Variants in SLC10A7 observed in about 807,000 individuals in gnomAD.
The protein encoded by SLC10A7 is solute carrier family 10 member 7.
A neutral mutation model predicts 43.2 loss-of-function variants in SLC10A7; 29 were observed. The observed-to-expected ratio is 0.67, with a 90% CI of 0.50 to 0.92. The LOEUF (loss-of-function observed/expected upper bound fraction) is 0.92. Among genes scored for constraint, SLC10A7 ranks in the 40% least tolerant of loss-of-function variants. The probability of loss-of-function intolerance (pLI) is 0.00; values close to 1 mark genes in which losing one functional copy is unlikely to be tolerated. For missense variants in SLC10A7, 295 were observed against 403.2 expected (o/e 0.73, Z 2.30); for synonymous variants, 152 against 144.8 (o/e 1.05, Z -0.35).
At chr4:146,451,139 A>G (rs935935790) in intron 4 of SLC10A7, among the ~76,000 whole-genome samples, 2 of 151,214 alleles carry the variant, frequency 1.3e-5, no homozygotes, top group African/African-American at 4.8e-5. Context: ...TTTAAGCAAG[A>G]CAGAAAAAGT....
At chr4:146,402,224 T>C (rs1739272680) in intron 5 of SLC10A7, among the ~76,000 whole-genome samples, 1 of 152,148 alleles carries the variant, frequency 6.6e-6, no homozygotes, top group Non-Finnish European at 1.5e-5. Context: ...CTATTTTATA[T>C]CTATCTATCT....
chr4:146,504,680 C>T (rs971117898), intron 3 of SLC10A7, among the ~76,000 whole-genome samples: 4 of 152,156 alleles, frequency 2.6e-5, no homozygotes, highest in Non-Finnish European at 5.9e-5. Flanking sequence ...TTCAAAAATA[C>T]TTGACAAGAC....
intron 5 of SLC10A7, among the ~76,000 whole-genome samples, chr4:146,404,568 G>T (rs1294072314): frequency 1.3e-5 from 2 of 148,258 alleles, no homozygotes; most frequent in Non-Finnish European, 3.0e-5. Flanking sequence ...GTTTCTATTT[G>T]ATCTGTAAAA....
intron 10 of SLC10A7, among the ~76,000 whole-genome samples, chr4:146,270,968 T>C (rs1241734661): frequency 6.6e-6 from 1 of 152,336 alleles, no homozygotes; most frequent in South Asian, 2.1e-4. Context: ...CCTTGTGGGA[T>C]AGGAGAAGAA....
intron 5 of SLC10A7, among the ~76,000 whole-genome samples, chr4:146,384,015 A>G (rs1344203749): frequency 6.6e-6 from 1 of 152,134 alleles, no homozygotes; most frequent in Non-Finnish European, 1.5e-5. Flanking sequence ...TCTGGGTCTC[A>G]GTTTCCTCAG....
intron 5 of SLC10A7, among the ~76,000 whole-genome samples, chr4:146,347,090 T>A (rs1209139877): frequency 6.6e-6 from 1 of 152,032 alleles, no homozygotes; most frequent in African/African-American, 2.4e-5. Flanking sequence ...AAGACCCAAA[T>A]GATCAGTAAG....
At position 146,350,766 on chromosome 4, in the gene SLC10A7, G is replaced by A. The variant is rs1442912999; in HGVS notation, c.436-24770C>T. ...CTAACTGGGAGGCACCCCCCAGCAG[G>A]GGCACACTGACACCTCACACGGCAG... On this transcript the variant is annotated intron_variant, in intron 5 of 11. Transcript: ENST00000335472. 1.6e-4 allele frequency among the ~76,000 whole-genome samples: 15 copies of A among 94,254 alleles called. No homozygotes were observed. In the South Asian group the frequency reaches 2.2e-3, roughly 14 times the overall value. The allele number at this position is 94,254 out of a possible 152,430, so 61.8% of individuals were successfully genotyped here.
At chr4:146,390,677 A>G (rs1259994654) in intron 5 of SLC10A7, among the ~76,000 whole-genome samples, 1 of 152,176 alleles carries the variant, frequency 6.6e-6, no homozygotes, top group Non-Finnish European at 1.5e-5. Context: ...TGGTTATTTC[A>G]ATCAGAATCC....
At chr4:146,488,048 A>C (rs1231693859) in intron 4 of SLC10A7, among the ~76,000 whole-genome samples, 1 of 152,022 alleles carries the variant, frequency 6.6e-6, no homozygotes, top group East Asian at 1.9e-4. Context: ...TTAATTAGTC[A>C]AGCATGGTAG....
At chr4:146,513,362 A>G (rs1169909115) in intron 2 of SLC10A7, among the ~76,000 whole-genome samples, 2 of 152,188 alleles carry the variant, frequency 1.3e-5, no homozygotes. Context: ...GTGTATAAAC[A>G]TACTACATTC....
At chr4:146,337,367 T>C (rs561385293) in intron 5 of SLC10A7, among the ~76,000 whole-genome samples, 1 of 152,140 alleles carries the variant, frequency 6.6e-6, no homozygotes, top group Admixed American at 6.6e-5. Context: ...TGCAGTTTTA[T>C]TTTCCCTGAG....
At chr4:146,266,954 T>A (rs771395507) in intron 10 of SLC10A7, among the ~76,000 whole-genome samples, 3 of 152,230 alleles carry the variant, frequency 2.0e-5, no homozygotes, top group Non-Finnish European at 4.4e-5. Context: ...TCATCCATTA[T>A]GTGCCAGGCA....
chr4:146,395,003 T>TC (rs1738712036), intron 5 of SLC10A7, among the ~76,000 whole-genome samples: 1 of 152,202 alleles, frequency 6.6e-6, no homozygotes, highest in Admixed American at 6.6e-5. Flanking sequence ...CTTGATATTC[T>TC]CCGTTTTCTC....
chr4:146,261,089 TC>T (rs1488522918), intron 10 of SLC10A7, among the ~76,000 whole-genome samples: 21 of 152,342 alleles, frequency 1.4e-4, no homozygotes, highest in East Asian at 1.9e-4. Flanking sequence ...TGCTGGTTCT[TC>T]AGCTCTTATC....
intron 5 of SLC10A7, among the ~76,000 whole-genome samples, chr4:146,393,622 G>A (rs1738607064): frequency 6.6e-6 from 1 of 152,174 alleles, no homozygotes; most frequent in South Asian, 2.1e-4. Context: ...ATGAATGAGT[G>A]CATGGCATAC....
intron 10 of SLC10A7, among the ~76,000 whole-genome samples, chr4:146,266,054 C>A (rs559081058): frequency 6.6e-6 from 1 of 152,224 alleles, no homozygotes; most frequent in Non-Finnish European, 1.5e-5. Context: ...ACTTGTTTTC[C>A]ATTTAAATGC....
At chr4:146,444,923 GT>G (rs1730910459) in intron 4 of SLC10A7, among the ~76,000 whole-genome samples, 1 of 152,120 alleles carries the variant, frequency 6.6e-6, no homozygotes, top group African/African-American at 2.4e-5. Flanking sequence ...TGTGGTTGCA[GT>G]CTATGAAAGA....
chr4:146,508,012 C>T (rs531631480), intron 3 of SLC10A7, among the ~76,000 whole-genome samples: 4 of 152,304 alleles, frequency 2.6e-5, no homozygotes, highest in South Asian at 2.1e-4. Context: ...TGTTGTTATT[C>T]GCTTGTTGAG....
chr4:146,356,049 A>AT lies in SLC10A7; in HGVS notation c.436-30054_436-30053insA, dbSNP rs1329984795. Among the ~76,000 whole-genome samples, 527 of 120,410 alleles carry AT rather than the reference A, an allele frequency of 4.4e-3. 1 individual carries two copies. The highest frequency in any genetic ancestry group is 9.7e-3 in the Middle Eastern group (2 of 206). 79.0% of individuals were successfully genotyped at this position (120,410 alleles called of 152,430 possible). ...AAACTTAAAGTATAATAAAAAAAAA[A>AT]AAATATATATATATATATACATATA... On this transcript the variant is annotated intron_variant, in intron 5 of 11. Transcript: ENST00000335472.
Sources: allele counts gnomAD v4.1 joint callset (sites outside exome capture counted in the v4.1 genomes callset), GRCh38; gene constraint gnomAD v4.1.1; transcripts MANE v1.5; gene names NCBI Gene and HGNC (gene_info 2026-07-23, HGNC 2026-07-21).